PID1: variants seen among roughly 807,000 people sequenced by gnomAD.
PID1 encodes the protein phosphotyrosine interaction domain containing 1.
PID1 carries 10 observed loss-of-function variants against 19.1 expected under a neutral mutation model. That is an observed-to-expected ratio of 0.52 (90% CI 0.32 to 0.89). The LOEUF is 0.89. Among genes scored for constraint, PID1 ranks in the 40% least tolerant of loss-of-function variants. The pLI, the probability that PID1 is intolerant of heterozygous loss-of-function variation, is 0.03. For synonymous variants in PID1, 130 were observed against 116.0 expected (o/e 1.12, Z -0.78); for missense variants, 248 against 285.3 (o/e 0.87, Z 0.94).
At chr2:229,237,428 C>T (rs1161826835) in intron 1 of PID1, among the ~76,000 whole-genome samples, 1 of 152,164 alleles carries the variant, frequency 6.6e-6, no homozygotes, top group Admixed American at 6.5e-5. Flanking sequence ...CCACACCAAA[C>T]TGACCTAACA....
At chr2:229,109,634 C>A (rs1695255272) in intron 2 of PID1, among the ~76,000 whole-genome samples, 1 of 152,172 alleles carries the variant, frequency 6.6e-6, no homozygotes, top group African/African-American at 2.4e-5. Flanking sequence ...GAGCAATGCT[C>A]ATAAACAGGA....
rs866699363 is a variant in PID1 at position 229,106,487 on chromosome 2, A to G, written c.177+49331T>C. 3.9e-5 allele frequency among the ~76,000 whole-genome samples: 6 copies of G among 152,308 alleles called. No individual in the cohort carries two copies. In the South Asian group the frequency reaches 6.2e-4, roughly 16 times the overall value. ...TTCATAGGTTGAAATCTAATCCCCA[A>G]TGAATAGTATTGATAGATAGGGTCT... On this transcript the variant is annotated intron_variant, in intron 2 of 2. Transcript: ENST00000392055.
intron 1 of PID1, among the ~76,000 whole-genome samples, chr2:229,248,103 C>G (rs1328421446): frequency 6.6e-6 from 1 of 152,094 alleles, no homozygotes; most frequent in African/African-American, 2.4e-5. Flanking sequence ...TTCCTAAGAA[C>G]AAGAACATTC....
At chr2:229,255,620 C>T (rs767936239) in intron 1 of PID1, among the ~76,000 whole-genome samples, 1 of 152,174 alleles carries the variant, frequency 6.6e-6, no homozygotes, top group Non-Finnish European at 1.5e-5. Flanking sequence ...GAAGTAATCT[C>T]TTCCAATGTT....
intron 1 of PID1, among the ~76,000 whole-genome samples, chr2:229,266,417 A>G (rs1690593368): frequency 7.0e-6 from 1 of 143,628 alleles, no homozygotes; most frequent in Non-Finnish European, 1.5e-5. Flanking sequence ...AATAGGAGAC[A>G]GCAGCTTATG....
chr2:229,055,220 A>C (rs1261610151), intron 2 of PID1, among the ~76,000 whole-genome samples: 2 of 152,196 alleles, frequency 1.3e-5, no homozygotes, highest in African/African-American at 4.8e-5. Context: ...GAAGCAACTC[A>C]AGCAACTTAG....
At chr2:229,210,554 A>AAAAAAC (rs71043096) in intron 1 of PID1, among the ~76,000 whole-genome samples, 1 of 88,024 alleles carries the variant, frequency 1.1e-5, no homozygotes, top group Non-Finnish European at 2.6e-5. Flanking sequence ...AAAAAAAAAA[A>AAAAAAC]CAACCTAGAA....
At chr2:229,042,525 G>A (rs1219632390) in intron 2 of PID1, among the ~76,000 whole-genome samples, 1 of 152,160 alleles carries the variant, frequency 6.6e-6, no homozygotes, top group African/African-American at 2.4e-5. Flanking sequence ...TTAGTGACAT[G>A]TGACAAATTC....
At chr2:229,178,303 G>A (rs1194657979) in intron 1 of PID1, among the ~76,000 whole-genome samples, 1 of 152,178 alleles carries the variant, frequency 6.6e-6, no homozygotes, top group African/African-American at 2.4e-5. Flanking sequence ...GGGAAGGCCA[G>A]TGCTGTGAGC....
chr2:229,067,802 C>T (rs1206233064), intron 2 of PID1, among the ~76,000 whole-genome samples: 1 of 152,180 alleles, frequency 6.6e-6, no homozygotes, highest in Non-Finnish European at 1.5e-5. Flanking sequence ...CTGTGGTGCT[C>T]TCCCACCTGC....
chr2:229,186,044 G>A (rs1295219289), intron 1 of PID1, among the ~76,000 whole-genome samples: 1 of 152,112 alleles, frequency 6.6e-6, no homozygotes, highest in Non-Finnish European at 1.5e-5. Context: ...CATTCCAAAT[G>A]GGAGACATTG....
At chr2:229,094,619 C>T (rs751637633) in intron 2 of PID1, among the ~76,000 whole-genome samples, 3 of 151,888 alleles carry the variant, frequency 2.0e-5, no homozygotes, top group Admixed American at 6.6e-5. Flanking sequence ...CAATAGAGAA[C>T]TCAGAAATAA....
chr2:229,241,910 T>C (rs750154999), intron 1 of PID1, among the ~76,000 whole-genome samples: 3 of 152,182 alleles, frequency 2.0e-5, no homozygotes, highest in Non-Finnish European at 2.9e-5. Flanking sequence ...CCTCTATAAG[T>C]ACCCTTTTTC....
chr2:229,156,000 T>C (rs1409062687), intron 1 of PID1, 36 bp from the exon 2 acceptor site: 70 of 1,598,556 alleles, frequency 4.4e-5, no homozygotes, highest in Non-Finnish European at 6.0e-5. Flanking sequence ...TGTAGTTTAA[T>C]CACTTGGACT....
intron 1 of PID1, among the ~76,000 whole-genome samples, chr2:229,205,345 ATCAC>A (rs1691588131): frequency 6.6e-6 from 1 of 152,100 alleles, no homozygotes; most frequent in South Asian, 2.1e-4. Flanking sequence ...ACATGTATGA[ATCAC>A]TAAGTAATCT....
chr2:229,087,450 C>T (rs1694791366), intron 2 of PID1, among the ~76,000 whole-genome samples: 1 of 152,156 alleles, frequency 6.6e-6, no homozygotes, highest in Non-Finnish European at 1.5e-5. Flanking sequence ...CTGGCAGCCG[C>T]ATAAGAGGGG....
At chr2:229,204,073 T>C (rs1368005303) in intron 1 of PID1, among the ~76,000 whole-genome samples, 1 of 152,102 alleles carries the variant, frequency 6.6e-6, no homozygotes, top group East Asian at 1.9e-4. Context: ...CTAAACTTGT[T>C]TCTCTCTTAA....
chr2:229,238,283 C>T (rs1689771743), intron 1 of PID1, among the ~76,000 whole-genome samples: 1 of 152,094 alleles, frequency 6.6e-6, no homozygotes, highest in South Asian at 2.1e-4. Context: ...AGACTTCATT[C>T]GAGCATGAAT....
chr2:229,084,271 C>G (rs1164517291), intron 2 of PID1, among the ~76,000 whole-genome samples: 2 of 152,178 alleles, frequency 1.3e-5, no homozygotes, highest in African/African-American at 4.8e-5. Context: ...TATTGGCCAC[C>G]TCCTGTATTA....
Sources: allele counts gnomAD v4.1 joint callset (sites outside exome capture counted in the v4.1 genomes callset), GRCh38; gene constraint gnomAD v4.1.1; transcripts MANE v1.5; gene names NCBI Gene and HGNC (gene_info 2026-07-23, HGNC 2026-07-21).